ENTREP1: variants seen among roughly 807,000 people sequenced by gnomAD.
ENTREP1 encodes the protein Friedreich ataxia region gene X123.
At chr9:69,384,106 C>A in the ENTREP1 span, 1 of 1,083,864 alleles carries the variant, frequency 9.2e-7, no homozygotes, top group East Asian at 2.5e-5. Flanking sequence ...CTCTGTAATC[C>A]CAGCACTTTG....
chr9:69,383,963 T>C, the ENTREP1 span: 1 of 1,613,906 alleles, frequency 6.2e-7, no homozygotes. Context: ...TCATTCCAAA[T>C]GTCAGAAGGA....
chr9:69,386,036 G>T, the ENTREP1 span: 1 of 1,268,852 alleles, frequency 7.9e-7, no homozygotes, highest in Non-Finnish European at 1.0e-6. Flanking sequence ...GCCAGCTCAG[G>T]ACCCTGCAGT....
the ENTREP1 span, among the ~76,000 whole-genome samples, chr9:69,374,392 T>C: frequency 6.6e-6 from 1 of 152,176 alleles, no homozygotes; most frequent in Admixed American, 6.5e-5. Flanking sequence ...TGCTGGATGA[T>C]GCGGTGCTAA....
At chr9:69,388,858 A>G in the ENTREP1 span, among the ~76,000 whole-genome samples, 32 of 152,210 alleles carry the variant, frequency 2.1e-4, no homozygotes, top group African/African-American at 6.0e-4. Flanking sequence ...AATATCAACA[A>G]GATTCTAAGA....
At chr9:69,336,292 G>T in the ENTREP1 span, 1 of 1,497,248 alleles carries the variant, frequency 6.7e-7, no homozygotes, top group Admixed American at 1.8e-5. Context: ...CTTATAAATT[G>T]CTACCCTTTA....
At chr9:69,339,406 C>T in the ENTREP1 span, among the ~76,000 whole-genome samples, 1 of 152,154 alleles carries the variant, frequency 6.6e-6, no homozygotes, top group South Asian at 2.1e-4. Context: ...GTCAGATATT[C>T]CTAGCCCATC....
the ENTREP1 span, chr9:69,387,509 G>A: frequency 5.2e-6 from 1 of 190,732 alleles, no homozygotes; most frequent in Non-Finnish European, 1.1e-5. Context: ...GGCAGCCATG[G>A]AAATTAGAGC....
At chr9:69,376,651 A>C in the ENTREP1 span, among the ~76,000 whole-genome samples, 1 of 152,168 alleles carries the variant, frequency 6.6e-6, no homozygotes, top group South Asian at 2.1e-4. Context: ...AACTGTTCCA[A>C]GCTACCAGCT....
chr9:69,337,477 T>G, the ENTREP1 span, among the ~76,000 whole-genome samples: 5 of 152,200 alleles, frequency 3.3e-5, no homozygotes, highest in African/African-American at 1.2e-4. Context: ...AGACATATAC[T>G]GGTGATTTTA....
chr9:69,364,672 G>T, the ENTREP1 span, among the ~76,000 whole-genome samples: 1 of 152,148 alleles, frequency 6.6e-6, no homozygotes, highest in Admixed American at 6.5e-5. Flanking sequence ...CCTGGAAGAT[G>T]ATCCAACTTC....
chr9:69,336,745 A>G, the ENTREP1 span, among the ~76,000 whole-genome samples: 1 of 151,806 alleles, frequency 6.6e-6, no homozygotes, highest in Non-Finnish European at 1.5e-5. Context: ...GGAGTCTCGC[A>G]CTGTTGCCCA....
At chr9:69,337,301 C>T in the ENTREP1 span, among the ~76,000 whole-genome samples, 1 of 152,116 alleles carries the variant, frequency 6.6e-6, no homozygotes, top group African/African-American at 2.4e-5. Flanking sequence ...AGCCACCGCG[C>T]CTGGACTCCT....
chr9:69,377,465 G>A, the ENTREP1 span: 57 of 1,613,642 alleles, frequency 3.5e-5, 1 homozygote, highest in Admixed American at 1.7e-5. Context: ...TCGCAACCAG[G>A]AGATCCTGCA....
chr9:69,391,253 C>G, the ENTREP1 span, among the ~76,000 whole-genome samples: 1 of 152,116 alleles, frequency 6.6e-6, no homozygotes, highest in Non-Finnish European at 1.5e-5. Context: ...TGACAATACC[C>G]GTCCCTCCCT....
the ENTREP1 span, among the ~76,000 whole-genome samples, chr9:69,331,382 C>T: frequency 1.3e-5 from 2 of 152,118 alleles, no homozygotes; most frequent in Non-Finnish European, 2.9e-5. Context: ...AGCACATTAA[C>T]CATTTATGGT....
chr9:69,340,727 G>A, the ENTREP1 span, among the ~76,000 whole-genome samples: 2 of 135,886 alleles, frequency 1.5e-5, no homozygotes, highest in Admixed American at 7.5e-5. Flanking sequence ...GCATGCATGT[G>A]TGTGTGTATG....
chr9:69,377,666 C>T, the ENTREP1 span: 1 of 1,614,086 alleles, frequency 6.2e-7, no homozygotes, highest in Non-Finnish European at 8.5e-7. Flanking sequence ...ATCCCCGACC[C>T]TGATGATTTT....
the ENTREP1 span, among the ~76,000 whole-genome samples, chr9:69,345,870 C>G: frequency 2.0e-5 from 3 of 152,028 alleles, no homozygotes; most frequent in African/African-American, 7.3e-5. Flanking sequence ...TCCCAAAGTG[C>G]TGGGATTACA....
the ENTREP1 span, among the ~76,000 whole-genome samples, chr9:69,378,849 C>A: frequency 6.6e-6 from 1 of 152,056 alleles, no homozygotes; most frequent in Admixed American, 6.5e-5. Flanking sequence ...ATGAGCTAGA[C>A]CTGCTTCCTC....
Sources: allele counts gnomAD v4.1 joint callset (sites outside exome capture counted in the v4.1 genomes callset), GRCh38; gene constraint gnomAD v4.1.1; transcripts MANE v1.5; gene names NCBI Gene and HGNC (gene_info 2026-07-23, HGNC 2026-07-21).